Variants in TEAD1 observed in about 807,000 individuals in gnomAD.
The protein encoded by TEAD1 is transcriptional enhancer factor TEF-1.
Under a neutral mutation model 54.9 loss-of-function variants are expected in TEAD1, and 9 were observed. The observed-to-expected ratio is 0.16, with a 90% CI of 0.10 to 0.29. TEAD1 has a LOEUF of 0.29. Ranked by LOEUF, TEAD1 falls within the 10% of genes least tolerant of loss-of-function variation. The pLI, the probability that TEAD1 is intolerant of heterozygous loss-of-function variation, is 1.00. For missense variants in TEAD1, 387 were observed against 535.9 expected (o/e 0.72, Z 2.74); for synonymous variants, 200 against 187.8 (o/e 1.07, Z -0.53).
At chr11:12,933,025 C>T (rs529942170) in intron 12 of TEAD1, among the ~76,000 whole-genome samples, 2 of 152,290 alleles carry the variant, frequency 1.3e-5, no homozygotes, top group African/African-American at 4.8e-5. Flanking sequence ...CAATAGGCTA[C>T]ACCATATAGC....
intron 3 of TEAD1, among the ~76,000 whole-genome samples, chr11:12,778,113 T>C (rs1476911340): frequency 1.3e-5 from 2 of 152,218 alleles, no homozygotes; most frequent in African/African-American, 4.8e-5. Flanking sequence ...ATAGCTACTA[T>C]TATCTTACAT....
intron 2 of TEAD1, among the ~76,000 whole-genome samples, chr11:12,721,116 G>A (rs545483354): frequency 5.3e-5 from 8 of 152,316 alleles, no homozygotes; most frequent in African/African-American, 1.9e-4. Context: ...TTACTGCCTG[G>A]TGTATTGGAC....
intron 10 of TEAD1, among the ~76,000 whole-genome samples, chr11:12,910,746 G>GTTTTTTT (rs1948601641): frequency 3.8e-5 from 4 of 105,376 alleles, no homozygotes; most frequent in African/African-American, 1.1e-4. Context: ...TACTTAATTT[G>GTTTTTTT]CTTTTTTTTT....
At chr11:12,932,104 T>C (rs1949022100) in intron 12 of TEAD1, among the ~76,000 whole-genome samples, 1 of 152,234 alleles carries the variant, frequency 6.6e-6, no homozygotes, top group Non-Finnish European at 1.5e-5. Flanking sequence ...TAATGGGTTC[T>C]CAGATGTGCC....
At chr11:12,715,877 G>A (rs911877385) in intron 2 of TEAD1, among the ~76,000 whole-genome samples, 2 of 152,034 alleles carry the variant, frequency 1.3e-5, no homozygotes, top group African/African-American at 2.4e-5. Context: ...CCCGAATCTA[G>A]CAATCTCACC....
chr11:12,900,555 A>G (rs1386203831), intron 9 of TEAD1, among the ~76,000 whole-genome samples: 1 of 152,102 alleles, frequency 6.6e-6, no homozygotes. Context: ...CATTTTAGAG[A>G]CTTGAGAGGC....
At chr11:12,728,741 C>G (rs894885411) in intron 2 of TEAD1, among the ~76,000 whole-genome samples, 1 of 152,194 alleles carries the variant, frequency 6.6e-6, no homozygotes, top group African/African-American at 2.4e-5. Flanking sequence ...AAAATGTAAA[C>G]CTCTCTGAAA....
At chr11:12,869,439 T>G (rs1291162990) in intron 5 of TEAD1, among the ~76,000 whole-genome samples, 1 of 152,208 alleles carries the variant, frequency 6.6e-6, no homozygotes, top group East Asian at 1.9e-4. Flanking sequence ...AAGAATAAAT[T>G]ATAAGTTCTG....
intron 3 of TEAD1, among the ~76,000 whole-genome samples, chr11:12,819,401 G>A (rs1023319517): frequency 5.3e-5 from 8 of 151,424 alleles, no homozygotes; most frequent in African/African-American, 1.9e-4. Context: ...GTCCATTTAT[G>A]CCTTATGCAC....
At chr11:12,697,979 C>T (rs888645480) in intron 2 of TEAD1, among the ~76,000 whole-genome samples, 6 of 150,266 alleles carry the variant, frequency 4.0e-5, no homozygotes, top group Admixed American at 6.6e-5. Context: ...GCCAAGATCA[C>T]GCCACTGCAC....
intron 3 of TEAD1, among the ~76,000 whole-genome samples, chr11:12,861,482 C>T (rs549627049): frequency 1.1e-4 from 16 of 152,250 alleles, no homozygotes; most frequent in East Asian, 1.9e-4. Flanking sequence ...GCAGCTCGTT[C>T]GTTCTCTTGT....
chr11:12,877,188 G>A (rs1054867475), intron 5 of TEAD1, among the ~76,000 whole-genome samples: 21 of 152,150 alleles, frequency 1.4e-4, no homozygotes, highest in Non-Finnish European at 2.8e-4. Flanking sequence ...GAGTCACTCT[G>A]GCCGTTCTTT....
Position 12,939,788 on chromosome 11 carries a change from A to C in TEAD1, c.*2566A>C, listed in dbSNP as rs1949143142. On this transcript the variant is annotated 3_prime_UTR_variant, in exon 13 of 13. Coordinates refer to ENST00000527636, the MANE Select transcript of TEAD1 (RefSeq NM_021961.6). Reference sequence around the variant, plus strand: ...TTCTAAAGCTTTCTCCAGGACAGATATTTTCCCTGTCTTAACCACTGGTCC... The same window carrying C: ...TTCTAAAGCTTTCTCCAGGACAGATCTTTTCCCTGTCTTAACCACTGGTCC... 1.3e-5 allele frequency: 2 copies of C among 152,138 alleles called. No homozygotes were observed. The highest frequency in any genetic ancestry group is 4.1e-4 in the South Asian group (2 of 4,820). 9.4% of individuals were successfully genotyped at this position (152,138 alleles called of 1,614,324 possible).
chr11:12,723,258 G>A (rs752465578), intron 2 of TEAD1, among the ~76,000 whole-genome samples: 1 of 152,120 alleles, frequency 6.6e-6, no homozygotes, highest in Non-Finnish European at 1.5e-5. Context: ...GGTGCACATC[G>A]TTTAATTGAT....
At chr11:12,727,341 T>C (rs1463267346) in intron 2 of TEAD1, among the ~76,000 whole-genome samples, 2 of 152,146 alleles carry the variant, frequency 1.3e-5, no homozygotes, top group African/African-American at 4.8e-5. Context: ...GAGAGGCAGC[T>C]CCATTGTTGG....
rs969760928 is a variant in TEAD1, at chr11:12,689,968, C to T, written c.-55+14407C>T. Among the ~76,000 whole-genome samples the T allele has an allele frequency of 8.5e-5, 13 of 152,124 alleles. No homozygotes were observed. In the East Asian group the frequency reaches 1.9e-3, roughly 23 times the overall value. On this transcript the variant is annotated intron_variant, in intron 2 of 12. Coordinates refer to ENST00000527636, the MANE Select transcript of TEAD1 (RefSeq NM_021961.6). ...ATAACTCCTTAATGTTGGCCGGGCA[C>T]GGTGGCTCACTCCTGTAATCCCAGC... is the stretch of plus-strand genomic sequence containing the variant.
At chr11:12,897,348 C>T (rs1355577897) in intron 9 of TEAD1, among the ~76,000 whole-genome samples, 1 of 152,166 alleles carries the variant, frequency 6.6e-6, no homozygotes, top group Non-Finnish European at 1.5e-5. Context: ...AGAGCCTTCA[C>T]CAAAGGGTTT....
intron 3 of TEAD1, among the ~76,000 whole-genome samples, chr11:12,792,171 A>G (rs2133962870): frequency 6.6e-6 from 1 of 152,250 alleles, no homozygotes; most frequent in South Asian, 2.1e-4. Context: ...CCAAAATAAG[A>G]CAAAAATGAG....
chr11:12,873,714 A>G lies in TEAD1; in HGVS notation c.331-5994A>G, dbSNP rs1269115835. Among the ~76,000 whole-genome samples, 3 of 152,230 alleles carry G rather than the reference A, an allele frequency of 2.0e-5. No homozygotes were observed. In the East Asian group the frequency reaches 5.8e-4, roughly 29 times the overall value. On this transcript the variant is annotated intron_variant, in intron 5 of 12. Transcript: ENST00000527636. ...AGCAAATTAGAGATCATAGCTAGAA[A>G]AAAAATCAAGTGCCCTCCATCCTTT...
Sources: allele counts gnomAD v4.1 joint callset (sites outside exome capture counted in the v4.1 genomes callset), GRCh38; gene constraint gnomAD v4.1.1; transcripts MANE v1.5; gene names NCBI Gene and HGNC (gene_info 2026-07-23, HGNC 2026-07-21).